Variants in NBEA observed in about 807,000 individuals in gnomAD.
NBEA encodes lysosomal-trafficking regulator 2.
NBEA carries 44 observed loss-of-function variants against 343.4 expected under a neutral mutation model. That is an observed-to-expected ratio of 0.13 (90% CI 0.10 to 0.16). The LOEUF (loss-of-function observed/expected upper bound fraction) is 0.16, where lower values mean the gene tolerates loss of function less well. Among genes scored for constraint, NBEA ranks in the 10% least tolerant of loss-of-function variants. The pLI, the probability that NBEA is intolerant of heterozygous loss-of-function variation, is 1.00. For missense variants in NBEA, 2,555 were observed against 3,631.3 expected, an observed-to-expected ratio of 0.70 and a Z score of 7.62; for synonymous variants, 1,175 against 1,238.7, an observed-to-expected ratio of 0.95 and a Z score of 1.08.
intron 41 of NBEA, among the ~76,000 whole-genome samples, chr13:35,485,077 G>A (rs2076262602): frequency 6.6e-6 from 1 of 151,978 alleles, no homozygotes; most frequent in Non-Finnish European, 1.5e-5. Flanking sequence ...TTTTGATTTT[G>A]AACTTTTGCC....
chr13:34,956,340 A>AT (rs1467088792), intron 1 of NBEA, among the ~76,000 whole-genome samples: 1 of 150,894 alleles, frequency 6.6e-6, no homozygotes, highest in African/African-American at 2.4e-5. Context: ...CAAATAATCA[A>AT]TTTTTTATAA....
At chr13:35,460,667 A>T (rs2046853004) in intron 40 of NBEA, among the ~76,000 whole-genome samples, 1 of 152,184 alleles carries the variant, frequency 6.6e-6, no homozygotes, top group Non-Finnish European at 1.5e-5. Context: ...TCTATGAAAC[A>T]CTATAAGGTA....
At chr13:34,956,162 T>C (rs1593276831) in intron 1 of NBEA, among the ~76,000 whole-genome samples, 2 of 152,218 alleles carry the variant, frequency 1.3e-5, no homozygotes, top group East Asian at 3.8e-4. Context: ...AAGACGACTT[T>C]AATTTTGAGT....
intron 37 of NBEA, among the ~76,000 whole-genome samples, chr13:35,351,229 ATTTAT>A (rs1328118515): frequency 6.6e-6 from 1 of 151,966 alleles, no homozygotes; most frequent in African/African-American, 2.4e-5. Flanking sequence ...AACTACTTCT[ATTTAT>A]TTTATCAGAT....
chr13:35,322,709 TTTC>T (rs1483016580), intron 36 of NBEA, among the ~76,000 whole-genome samples: 10 of 152,208 alleles, frequency 6.6e-5, no homozygotes, highest in Non-Finnish European at 1.5e-4. Flanking sequence ...TTAAATAGTA[TTTC>T]TTATTTATAC....
At chr13:34,946,886 T>C (rs1202064341) in intron 1 of NBEA, among the ~76,000 whole-genome samples, 1 of 151,358 alleles carries the variant, frequency 6.6e-6, no homozygotes, top group Non-Finnish European at 1.5e-5. Flanking sequence ...CAGTAACTCT[T>C]CTTCCTTAGA....
At chr13:35,102,445 C>G (rs1408825146) in intron 11 of NBEA, among the ~76,000 whole-genome samples, 1 of 151,446 alleles carries the variant, frequency 6.6e-6, no homozygotes, top group Admixed American at 6.6e-5. Context: ...CAACTTCCAC[C>G]AAAAAACATG....
intron 41 of NBEA, among the ~76,000 whole-genome samples, chr13:35,481,272 G>C (rs974249401): frequency 2.0e-5 from 3 of 151,824 alleles, no homozygotes; most frequent in Non-Finnish European, 4.4e-5. Flanking sequence ...GAGTATACTT[G>C]TAAGAATTGA....
intron 36 of NBEA, among the ~76,000 whole-genome samples, chr13:35,323,113 G>A (rs1239531278): frequency 6.6e-6 from 1 of 152,042 alleles, no homozygotes; most frequent in East Asian, 1.9e-4. Flanking sequence ...GCCTCCCAAA[G>A]TGCTGGGATT....
chr13:35,661,043 T>G (rs898105455), intron 55 of NBEA, among the ~76,000 whole-genome samples: 3 of 152,168 alleles, frequency 2.0e-5, no homozygotes, highest in Admixed American at 1.3e-4. Context: ...CAGTAGACTT[T>G]CCAGGGTTCC....
intron 40 of NBEA, among the ~76,000 whole-genome samples, chr13:35,460,948 A>C (rs1159816266): frequency 6.6e-6 from 1 of 152,216 alleles, no homozygotes; most frequent in Non-Finnish European, 1.5e-5. Context: ...ACCCGGCATC[A>C]CATGTGAGGG....
chr13:35,485,652 C>A (rs2076279303), intron 41 of NBEA, among the ~76,000 whole-genome samples: 1 of 152,060 alleles, frequency 6.6e-6, no homozygotes. Flanking sequence ...GCTGTCACAG[C>A]TCAGCTAATG....
intron 16 of NBEA, among the ~76,000 whole-genome samples, chr13:35,121,341 A>G (rs2066786054): frequency 6.6e-6 from 1 of 152,092 alleles, no homozygotes; most frequent in African/African-American, 2.4e-5. Context: ...TTCTGCGCTC[A>G]GGCAGTCTGC....
intron 6 of NBEA, among the ~76,000 whole-genome samples, chr13:35,054,346 G>A (rs186483925): frequency 5.9e-5 from 9 of 151,520 alleles, no homozygotes; most frequent in African/African-American, 1.7e-4. Flanking sequence ...CTCTTTTTAC[G>A]GTTTTTTCTT....
rs527942646 is a variant in NBEA, at chr13:35,135,415, A to G, written c.2337-6854A>G. On this transcript the variant is annotated intron_variant, in intron 17 of 58. Transcript: ENST00000379939. The stretch of plus-strand genomic sequence containing the variant: ...CAATGATAGCCAAAGGAAATTGGAA[A>G]TGTAAATACAATTATAAATTGCTTC... Among the ~76,000 whole-genome samples the G allele has an allele frequency of 5.9e-5, 9 of 152,178 alleles. No individual in the cohort carries two copies. In the South Asian group the frequency reaches 1.9e-3, roughly 32 times the overall value.
At chr13:35,269,965 T>C (rs891425149) in intron 34 of NBEA, among the ~76,000 whole-genome samples, 12 of 152,198 alleles carry the variant, frequency 7.9e-5, no homozygotes, top group African/African-American at 2.9e-4. Context: ...GTAAATGGAA[T>C]TTTCTCTGTC....
intron 1 of NBEA, among the ~76,000 whole-genome samples, chr13:35,038,829 T>A (rs1593546056): frequency 6.6e-6 from 1 of 152,230 alleles, no homozygotes; most frequent in East Asian, 1.9e-4. Context: ...AGTCTGGGGT[T>A]AGGGGAGGGG....
chr13:35,349,867 C>G (rs2040089771), intron 37 of NBEA, among the ~76,000 whole-genome samples: 3 of 152,142 alleles, frequency 2.0e-5, no homozygotes, highest in Middle Eastern at 3.4e-3. Context: ...AGTTGATAGA[C>G]TAGGTCTAGT....
chr13:35,033,841 G>C (rs940949094), intron 1 of NBEA, among the ~76,000 whole-genome samples: 2 of 151,518 alleles, frequency 1.3e-5, no homozygotes, highest in Non-Finnish European at 3.0e-5. Context: ...ACTGATTTTT[G>C]TATGTTGATT....
Sources: allele counts gnomAD v4.1 joint callset (sites outside exome capture counted in the v4.1 genomes callset), GRCh38; gene constraint gnomAD v4.1.1; transcripts MANE v1.5; gene names NCBI Gene and HGNC (gene_info 2026-07-23, HGNC 2026-07-21).